WDR88: variants seen among roughly 807,000 people sequenced by gnomAD.
WDR88 encodes WD repeat-containing protein 88.
Under a neutral mutation model 46.8 loss-of-function variants are expected in WDR88, and 40 were observed. The ratio of observed to expected loss-of-function variants is 0.86; its 90% CI spans 0.66 to 1.11. The LOEUF (loss-of-function observed/expected upper bound fraction) is 1.11, where lower values mean the gene tolerates loss of function less well. WDR88 is among the 50% of genes most tolerant of loss of function. WDR88 has a pLI of 0.00. For missense variants in WDR88, 562 were observed against 602.4 expected (o/e 0.93, Z 0.70); for synonymous variants, 235 against 240.7 (o/e 0.98, Z 0.22).
At chr19:33,142,321 C>A (rs1973413099) in intron 2 of WDR88, among the ~76,000 whole-genome samples, 1 of 151,846 alleles carries the variant, frequency 6.6e-6, no homozygotes, top group Non-Finnish European at 1.5e-5. Context: ...ATTTATGGGA[C>A]AAGGGGCGAA....
chr19:33,154,474 G>A (rs1973697076), intron 6 of WDR88, among the ~76,000 whole-genome samples: 1 of 152,098 alleles, frequency 6.6e-6, no homozygotes, highest in South Asian at 2.1e-4. Context: ...AACGTGTGGT[G>A]TTTGGTCTTC....
At chr19:33,162,316 T>C (rs1260852275) in intron 8 of WDR88, among the ~76,000 whole-genome samples, 1 of 151,910 alleles carries the variant, frequency 6.6e-6, no homozygotes, top group East Asian at 1.9e-4. Flanking sequence ...TTCTCCTACC[T>C]CAGCCTCCTG....
At position 33,137,679 on chromosome 19, in the gene WDR88, C is replaced by T. The variant is rs781186787; in HGVS notation, c.279C>T (p.Ile93=). The change falls in exon 2 of 11, where the codon ATC becomes ATT. Residue 93 remains isoleucine, a splice_region_variant and synonymous_variant. Coordinates refer to ENST00000355868, the MANE Select transcript of WDR88 (RefSeq NM_173479.4). ...CATCTGGTCTCTCCTTTTTTCAGAT[C>T]CCATTTAAAATTCTGAGTGGGCACG... ...IWGDQDPLSK[I]PFKILSGHEH... 1.9e-6 allele frequency: 3 copies of T among 1,609,828 alleles called. No individual in the cohort carries two copies. The highest frequency in any genetic ancestry group is 2.5e-6 in the Non-Finnish European group (3 of 1,178,620).
At chr19:33,142,475 T>C (rs1386263618) in intron 2 of WDR88, among the ~76,000 whole-genome samples, 1 of 151,676 alleles carries the variant, frequency 6.6e-6, no homozygotes, top group Non-Finnish European at 1.5e-5. Context: ...GGACGGCTCA[T>C]GGGAAGGAGG....
rs1174244147 is a variant in WDR88 at position 33,174,306 on chromosome 19, A to AC, written c.1243-1084dup. On this transcript the variant is annotated intron_variant, in intron 10 of 10. Coordinates refer to ENST00000355868, the MANE Select transcript of WDR88 (RefSeq NM_173479.4). ...CCGAGGCCTGCCCCAGGTAGGGTTT[A>AC]CCCCCCTCTCCAGCAGGCCTCAGTG... The AC allele has an allele frequency of 1.5e-5, 23 of 1,524,156 alleles. No homozygotes were observed. The East Asian group carries it at 4.9e-4, about 33-fold the overall frequency. The allele number at this position is 1,524,156 out of a possible 1,614,324, so 94.4% of individuals were successfully genotyped here. A position where few individuals can be genotyped will look rare whatever the true frequency, so the allele number is the denominator to read the frequency against.
At position 33,160,461 on chromosome 19, in the gene WDR88, G is replaced by A; in HGVS notation, c.1045G>A (p.Asp349Asn). Residue 349 changes from aspartate (D) to asparagine (N), a missense_variant, in exon 8 of 11, where the codon GAT becomes AAT. Asp to Asn is a conservative substitution (Grantham distance 23, BLOSUM62 1). Transcript: ENST00000355868. Reference protein sequence around the residue: ...GGFDRTVAIWDVAEGYRKLSL... With the variant: ...GGFDRTVAIWNVAEGYRKLSL... ...GTTTGATAGGACTGTGGCTATTTGGGATGTAGCAGAAGGCTACCGGAAGCT... is the reference window on the plus strand; with the variant it reads ...GTTTGATAGGACTGTGGCTATTTGGAATGTAGCAGAAGGCTACCGGAAGCT... The A allele has an allele frequency of 6.2e-7, 1 of 1,614,206 alleles. No individual in the cohort carries two copies. Among genetic ancestry groups the A allele is most frequent in the Non-Finnish European group, 8.5e-7 (1 of 1,180,032 alleles).
chr19:33,172,676 A>G (rs994337906), intron 10 of WDR88, among the ~76,000 whole-genome samples: 2 of 152,136 alleles, frequency 1.3e-5, no homozygotes, highest in Non-Finnish European at 1.5e-5. Context: ...CATAGCAAAC[A>G]GGAGTAGGAG....
chr19:33,148,846 C>A lies in WDR88; in HGVS notation c.615C>A (p.Phe205Leu). 1.2e-6 allele frequency: 2 copies of A among 1,614,130 alleles called. No homozygotes were observed. The highest frequency in any genetic ancestry group is 1.1e-5 in the South Asian group (1 of 91,076). The change falls in exon 5 of 11, where the codon TTC becomes TTA. Residue 205 changes from phenylalanine to leucine, a missense_variant. Phe to Leu is a conservative substitution (Grantham distance 22). Coordinates refer to ENST00000355868, the MANE Select transcript of WDR88 (RefSeq NM_173479.4). ...SPDGKYVVSG[F>L]DVDHGICIMD... The stretch of plus-strand genomic sequence containing the variant: ...ATGGTAAATACGTGGTCTCAGGCTT[C>A]GACGTGGATCATGGAATCTGCATAA...
intron 5 of WDR88, 82 bp downstream of exon 5, chr19:33,148,992 C>A: frequency 1.3e-6 from 2 of 1,583,140 alleles, no homozygotes; most frequent in Admixed American, 1.8e-5. Context: ...CCTTCCATTG[C>A]TTTATTTGGT....
chr19:33,175,260 C>A, intron 10 of WDR88, 136 bp from the exon 11 acceptor site: 1 of 1,050,620 alleles, frequency 9.5e-7, no homozygotes, highest in Non-Finnish European at 1.4e-6. Flanking sequence ...AACAAACAAA[C>A]AAACCAAAAA....
intron 2 of WDR88, among the ~76,000 whole-genome samples, chr19:33,144,201 C>T (rs1333022712): frequency 4.6e-5 from 7 of 152,100 alleles, no homozygotes; most frequent in Non-Finnish European, 8.8e-5. Context: ...CCAAGACGAT[C>T]ATTTTCTTTT....
At chr19:33,170,792 G>A (rs1974025491) in intron 9 of WDR88, among the ~76,000 whole-genome samples, 1 of 152,134 alleles carries the variant, frequency 6.6e-6, no homozygotes, top group African/African-American at 2.4e-5. Context: ...AGCCTGCGAA[G>A]CGGAGGTTGT....
rs1036527047 is a variant in WDR88 at position 33,172,828 on chromosome 19, G to A, written c.1242+388G>A. Among the ~76,000 whole-genome samples the A allele has an allele frequency of 1.3e-5, 2 of 151,952 alleles. 1 individual carries two copies. Among genetic ancestry groups the A allele is most frequent in the South Asian group, 4.1e-4 (2 of 4,822 alleles). On this transcript the variant is annotated intron_variant, in intron 10 of 10. Coordinates refer to ENST00000355868, the MANE Select transcript of WDR88 (RefSeq NM_173479.4). Reference sequence around the variant, plus strand: ...CTTCCAGCTGGATGCGGTGTTTCACGCCTGTAATCCCAACATTTTGGGAGG... The same window carrying A: ...CTTCCAGCTGGATGCGGTGTTTCACACCTGTAATCCCAACATTTTGGGAGG...
chr19:33,158,171 A>C (rs1973798168), intron 7 of WDR88, among the ~76,000 whole-genome samples: 1 of 152,118 alleles, frequency 6.6e-6, no homozygotes, highest in Non-Finnish European at 1.5e-5. Flanking sequence ...TATCCTGGTG[A>C]GAAGTGGGGC....
At chr19:33,156,638 T>C in intron 7 of WDR88, 96 bp downstream of exon 7, 9 of 1,368,258 alleles carry the variant, frequency 6.6e-6, no homozygotes, top group Non-Finnish European at 7.9e-6. Flanking sequence ...CAATTTCCAA[T>C]GATGCTGACA....
At chr19:33,147,439 C>T (rs1973541467) in intron 3 of WDR88, among the ~76,000 whole-genome samples, 1 of 151,876 alleles carries the variant, frequency 6.6e-6, no homozygotes, top group Admixed American at 6.6e-5. Flanking sequence ...CCCGTTTCTA[C>T]TAAAAATACA....
intron 3 of WDR88, among the ~76,000 whole-genome samples, chr19:33,146,310 A>G (rs1009052787): frequency 2.0e-5 from 3 of 152,176 alleles, no homozygotes; most frequent in Non-Finnish European, 4.4e-5. Context: ...AAAAAATAAA[A>G]AAGAAGAAGA....
chr19:33,146,447 C>T (rs1178679618), intron 3 of WDR88, among the ~76,000 whole-genome samples: 3 of 99,134 alleles, frequency 3.0e-5, no homozygotes, highest in Non-Finnish European at 3.8e-5. Flanking sequence ...TTCCTTCCTT[C>T]CTTCCTTCCT....
At chr19:33,147,474 G>A (rs776996187) in intron 3 of WDR88, among the ~76,000 whole-genome samples, 171 bp from the exon 4 acceptor site, 42 of 152,238 alleles carry the variant, frequency 2.8e-4, no homozygotes, top group Non-Finnish European at 5.0e-4. Context: ...GTGGTGGCGG[G>A]CGCCTGTAAT....
Sources: allele counts gnomAD v4.1 joint callset (sites outside exome capture counted in the v4.1 genomes callset), GRCh38; gene constraint gnomAD v4.1.1; transcripts MANE v1.5; gene names NCBI Gene and HGNC (gene_info 2026-07-23, HGNC 2026-07-21).